SDCCAG8: variants seen among roughly 807,000 people sequenced by gnomAD.
The protein encoded by SDCCAG8 is serologically defined colon cancer antigen 8.
Under a neutral mutation model 101.8 loss-of-function variants are expected in SDCCAG8, and 74 were observed. That is an observed-to-expected ratio of 0.73 (90% CI 0.60 to 0.88). SDCCAG8 has a LOEUF of 0.88. SDCCAG8 is among the 40% of genes least tolerant of loss of function. The pLI is 0.00. For missense variants in SDCCAG8, 787 were observed against 822.6 expected (o/e 0.96, Z 0.53); for synonymous variants, 281 against 292.9 (o/e 0.96, Z 0.41).
intron 16 of SDCCAG8, among the ~76,000 whole-genome samples, chr1:243,454,509 C>T (rs1051505628): frequency 1.3e-5 from 2 of 151,992 alleles, no homozygotes; most frequent in African/African-American, 2.4e-5. Flanking sequence ...TGCACCACAG[C>T]CTACATCACT....
At chr1:243,270,391 C>T (rs1009365707) in intron 2 of SDCCAG8, 134 bp downstream of exon 2, 36 of 970,982 alleles carry the variant, frequency 3.7e-5, no homozygotes, top group Non-Finnish European at 5.5e-5. Flanking sequence ...TAATTTAATT[C>T]CCTCGCTTAA....
At chr1:243,433,322 A>G (rs2081921186) in intron 16 of SDCCAG8, among the ~76,000 whole-genome samples, 1 of 150,646 alleles carries the variant, frequency 6.6e-6, no homozygotes, top group African/African-American at 2.4e-5. Flanking sequence ...ACTGCACTCC[A>G]GCCTGGGCAA....
intron 13 of SDCCAG8, among the ~76,000 whole-genome samples, chr1:243,380,770 G>A (rs752201900): frequency 1.3e-4 from 20 of 151,464 alleles, no homozygotes; most frequent in Middle Eastern, 3.2e-3. Context: ...TTCTAAGTGC[G>A]GTACTCTTTT....
At chr1:243,271,365 A>G (rs1008318629) in intron 3 of SDCCAG8, among the ~76,000 whole-genome samples, 1 of 148,680 alleles carries the variant, frequency 6.7e-6, no homozygotes, top group Non-Finnish European at 1.5e-5. Flanking sequence ...ATAAATTAAT[A>G]TAATAAATTA....
rs576847666 is a variant in SDCCAG8 at position 243,458,886 on chromosome 1, G to A, written c.1986-30128G>A. 2.6e-5 allele frequency among the ~76,000 whole-genome samples: 4 copies of A among 152,352 alleles called. No individual in the cohort carries two copies. Among genetic ancestry groups the A allele is most frequent in the South Asian group, 2.1e-4 (1 of 4,830 alleles). Reference sequence around the variant, plus strand: ...GACGTCTGATCAGTTTCTGAATTGAGTCCCAAGATACGTGCCTTAAGCTAT... The same window carrying A: ...GACGTCTGATCAGTTTCTGAATTGAATCCCAAGATACGTGCCTTAAGCTAT... On this transcript the variant is annotated intron_variant, in intron 16 of 17. Coordinates refer to ENST00000366541, the MANE Select transcript of SDCCAG8 (RefSeq NM_006642.5). This position sits in a 1 kb window ranked among gnomAD's most constrained non-coding sequence, Gnocchi z 4.5.
intron 16 of SDCCAG8, among the ~76,000 whole-genome samples, chr1:243,473,120 T>C (rs1186912457): frequency 3.9e-5 from 6 of 152,194 alleles, no homozygotes; most frequent in African/African-American, 1.4e-4. Flanking sequence ...GTAGAAAGCA[T>C]AATTTTGATT....
chr1:243,379,061 G>T (rs2077774735), intron 13 of SDCCAG8, among the ~76,000 whole-genome samples, 198 bp downstream of exon 13: 1 of 152,150 alleles, frequency 6.6e-6, no homozygotes. Context: ...ATTACTGATA[G>T]ATTACAAAAC....
At chr1:243,432,397 A>T (rs1278042789) in intron 16 of SDCCAG8, among the ~76,000 whole-genome samples, 1 of 152,194 alleles carries the variant, frequency 6.6e-6, no homozygotes, top group Non-Finnish European at 1.5e-5. Flanking sequence ...AGGTGGAAGA[A>T]GGGAGAGGAT....
intron 9 of SDCCAG8, among the ~76,000 whole-genome samples, chr1:243,323,319 A>G (rs754862169): frequency 2.0e-5 from 3 of 151,946 alleles, no homozygotes; most frequent in African/African-American, 7.3e-5. Flanking sequence ...CGGATGACCT[A>G]CTTCTCACTT....
At chr1:243,348,498 C>G (rs1021634860) in intron 12 of SDCCAG8, among the ~76,000 whole-genome samples, 5 of 152,060 alleles carry the variant, frequency 3.3e-5, no homozygotes, top group Non-Finnish European at 7.4e-5. Context: ...ATACGCACCT[C>G]CCCCAGTGCC....
chr1:243,383,478 A>G (rs1235323646), intron 13 of SDCCAG8, among the ~76,000 whole-genome samples: 1 of 152,188 alleles, frequency 6.6e-6, no homozygotes, highest in African/African-American at 2.4e-5. Flanking sequence ...AAGTTCCTAT[A>G]TCTGGACATT....
rs140772799 is a variant in SDCCAG8 at position 243,460,197 on chromosome 1, A to G, written c.1986-28817A>G. 4.4e-3 allele frequency among the ~76,000 whole-genome samples: 672 copies of G among 152,346 alleles called. 4 individuals carry two copies. Among genetic ancestry groups the G allele is most frequent in the African/African-American group, 0.016 (648 of 41,580 alleles). ...TAGAACAATTTATCAGGTGTTAATAATGCTCATACATTATATTATTTTTTG... is the reference window on the plus strand; with the variant it reads ...TAGAACAATTTATCAGGTGTTAATAGTGCTCATACATTATATTATTTTTTG... On this transcript the variant is annotated intron_variant, in intron 16 of 17. Coordinates refer to ENST00000366541, the MANE Select transcript of SDCCAG8 (RefSeq NM_006642.5).
chr1:243,291,936 G>A lies in SDCCAG8; in HGVS notation c.547-1155G>A, dbSNP rs984051577. On this transcript the variant is annotated intron_variant, in intron 5 of 17. Transcript: ENST00000366541. Reference sequence around the variant, plus strand: ...TTCCTACAATCCCTTCCTAATGTGTGATAATTTGCTATAATGGCTCACAAA... The same window carrying A: ...TTCCTACAATCCCTTCCTAATGTGTAATAATTTGCTATAATGGCTCACAAA... Among the ~76,000 whole-genome samples the A allele has an allele frequency of 3.3e-5, 5 of 152,186 alleles. 1 individual carries two copies. The highest frequency in any genetic ancestry group is 1.2e-4 in the African/African-American group (5 of 41,446).
chr1:243,271,444 T>C (rs1430960895), intron 3 of SDCCAG8, among the ~76,000 whole-genome samples: 1 of 151,252 alleles, frequency 6.6e-6, no homozygotes, highest in Non-Finnish European at 1.5e-5. Flanking sequence ...GTCATATCTA[T>C]TATTGATCAT....
intron 12 of SDCCAG8, among the ~76,000 whole-genome samples, chr1:243,364,070 A>G (rs1181544260): frequency 6.6e-6 from 1 of 152,206 alleles, no homozygotes; most frequent in Non-Finnish European, 1.5e-5. Context: ...AGAACTCCCC[A>G]TAAGGTGAGA....
At chr1:243,451,652 C>T (rs780082724) in intron 16 of SDCCAG8, among the ~76,000 whole-genome samples, 7 of 152,056 alleles carry the variant, frequency 4.6e-5, no homozygotes, top group Non-Finnish European at 7.4e-5. Context: ...AAGCCAGGCC[C>T]GATGGCTCAT....
At chr1:243,267,534 G>A in intron 1 of SDCCAG8, 2 of 414,232 alleles carry the variant, frequency 4.8e-6, no homozygotes, top group Non-Finnish European at 9.0e-6. Flanking sequence ...CCCGAGAGGC[G>A]GAGGGTGCGG....
intron 12 of SDCCAG8, among the ~76,000 whole-genome samples, chr1:243,372,396 A>G (rs1014447244): frequency 3.3e-5 from 5 of 152,128 alleles, no homozygotes; most frequent in Non-Finnish European, 5.9e-5. Context: ...GTTTACTAGC[A>G]GGAATAAATC....
At chr1:243,435,757 T>C (rs1378054301) in intron 16 of SDCCAG8, among the ~76,000 whole-genome samples, 1 of 151,872 alleles carries the variant, frequency 6.6e-6, no homozygotes, top group African/African-American at 2.4e-5. Flanking sequence ...TGTGTGTGTG[T>C]CCTCTATTCG....
Sources: allele counts gnomAD v4.1 joint callset (sites outside exome capture counted in the v4.1 genomes callset), GRCh38; gene constraint gnomAD v4.1.1; non-coding constraint Gnocchi (gnomAD v3.1); transcripts MANE v1.5; gene names NCBI Gene and HGNC (gene_info 2026-07-23, HGNC 2026-07-21).